The following SYT7 variants were observed in gnomAD, a reference collection of about 807,000 sequenced individuals.
SYT7 encodes synaptotagmin 7, also known as synaptotagmin-7.
A neutral mutation model predicts 75.1 loss-of-function variants in SYT7; 29 were observed. That is an observed-to-expected ratio of 0.39 (90% CI 0.29 to 0.53). SYT7 has a LOEUF of 0.53. Ranked by LOEUF, SYT7 falls within the 20% of genes least tolerant of loss-of-function variation. The pLI is 0.77. For synonymous variants in SYT7, 376 were observed against 401.7 expected, an observed-to-expected ratio of 0.94 and a Z score of 0.76; for missense variants, 693 against 953.2, an observed-to-expected ratio of 0.73 and a Z score of 3.59.
chr11:61,576,749 G>A lies in SYT7; in HGVS notation c.31+4041C>T, dbSNP rs1019839498. ...TGGGGGGACTCAGGAGGGGCAGGAG[G>A]GGGAGGGAACCATATACGGCTCCTC... On this transcript the variant is annotated intron_variant, in intron 1 of 12. Transcript: ENST00000539008. This position sits in a 1 kb window ranked among gnomAD's most constrained non-coding sequence, Gnocchi z 4.1. Among the ~76,000 whole-genome samples the A allele has an allele frequency of 6.6e-6, 1 of 152,056 alleles. No individual in the cohort carries two copies. Among genetic ancestry groups the A allele is most frequent in the African/African-American group, 2.4e-5 (1 of 41,396 alleles).
chr11:61,563,787 G>A (rs953955070), intron 1 of SYT7, among the ~76,000 whole-genome samples: 1 of 152,122 alleles, frequency 6.6e-6, no homozygotes, highest in Non-Finnish European at 1.5e-5. Context: ...TGCCTCCCTA[G>A]TAACTATGAC....
intron 6 of SYT7, 86 bp from the exon 7 acceptor site, chr11:61,538,352 A>AGAGG (rs2062936283): frequency 1.7e-6 from 1 of 597,720 alleles, no homozygotes; most frequent in Non-Finnish European, 2.6e-6. Flanking sequence ...AGAGGGAGAG[A>AGAGG]GAGAGAGAGA....
chr11:61,583,307 C>T (rs1194966298), upstream of SYT7, among the ~76,000 whole-genome samples: 1 of 152,156 alleles, frequency 6.6e-6, no homozygotes, highest in Non-Finnish European at 1.5e-5. Context: ...TGAGGAATCT[C>T]CCCACTCCAG....
chr11:61,562,480 G>A (rs1004473857), intron 1 of SYT7, among the ~76,000 whole-genome samples: 1 of 152,216 alleles, frequency 6.6e-6, no homozygotes, highest in Non-Finnish European at 1.5e-5. Flanking sequence ...CACGGAATAA[G>A]TAGGCACTAA....
chr11:61,546,656 C>T lies in SYT7; in HGVS notation c.348-401G>A, dbSNP rs1049310818. Reference sequence around the variant, plus strand: ...CGAAGGGTTAACGACGGAGGAAGAGCGGGCTGTCCAGGCCAGGAGGCCCCA... The same window carrying T: ...CGAAGGGTTAACGACGGAGGAAGAGTGGGCTGTCCAGGCCAGGAGGCCCCA... On this transcript the variant is annotated intron_variant, in intron 4 of 12. Transcript: ENST00000539008. This position sits in a 1 kb window ranked among gnomAD's most constrained non-coding sequence, Gnocchi z 7.6. 6.5e-6 allele frequency: 3 copies of T among 464,386 alleles called. No individual in the cohort carries two copies. The highest frequency in any genetic ancestry group is 1.3e-5 in the Non-Finnish European group (3 of 232,914). The allele number at this position is 464,386 out of a possible 1,614,324, so 28.8% of individuals were successfully genotyped here. A position where few individuals can be genotyped will look rare whatever the true frequency, so the allele number is the denominator to read the frequency against.
intron 1 of SYT7, among the ~76,000 whole-genome samples, chr11:61,567,745 C>T (rs570419963): frequency 3.0e-4 from 46 of 152,232 alleles, no homozygotes; most frequent in Non-Finnish European, 5.7e-4. Context: ...GGCGCACAGA[C>T]GGTCCCCAGC....
At position 61,518,696 on chromosome 11, in the gene SYT7, C is replaced by T. The variant is rs1206311226; in HGVS notation, c.1992G>A (p.Val664=). The part of the protein sequence containing the change: ...YLSWKSGPGE[V]KHWKDMIARP... Reference sequence around the variant, plus strand: ...GGGCAATCATGTCCTTCCAGTGCTTCACCTCCCCTGGCCCGCTCTTCCAGG... The same window carrying T: ...GGGCAATCATGTCCTTCCAGTGCTTTACCTCCCCTGGCCCGCTCTTCCAGG... Residue 664 remains valine, a synonymous_variant, in exon 13 of 13, where the codon GTG becomes GTA. Transcript: ENST00000539008. 1.3e-6 allele frequency: 2 copies of T among 1,550,254 alleles called. No homozygotes were observed. The highest frequency in any genetic ancestry group is 2.0e-5 in the Admixed American group (1 of 50,926).
chr11:61,530,433 A>C (rs2062671262), intron 8 of SYT7, among the ~76,000 whole-genome samples: 1 of 152,024 alleles, frequency 6.6e-6, no homozygotes. Context: ...TGCTCATGCC[A>C]GCCCCACACC....
Position 61,527,993 on chromosome 11 carries a change from C to A in SYT7, c.1393G>T (p.Asp465Tyr). ...DPFVKIYLLP[D>Y]KKHKLETKVK... ...TTGGTCTCCAGCTTGTGCTTCTTGT[C>A]GGGCAGCAGGTAGATCTTGACGAAG... Residue 465 changes from aspartate to tyrosine, a missense_variant, in exon 9 of 13, where the codon GAC becomes TAC. Physicochemically the swap from Asp to Tyr is radical, Grantham distance 160. Transcript: ENST00000539008. 3.1e-6 allele frequency: 5 copies of A among 1,614,110 alleles called. No homozygotes were observed. Among genetic ancestry groups the A allele is most frequent in the Non-Finnish European group, 4.2e-6 (5 of 1,180,034 alleles).
Position 61,514,004 on chromosome 11 carries a change from G to C in SYT7, c.*4623C>G, listed in dbSNP as rs1256809160. ...CCTTCCAGAAAGCAGCAGTATCCAG[G>C]GGGGGACTCACAGGAGAAAGAAAAC... On this transcript the variant is annotated 3_prime_UTR_variant, in exon 13 of 13. Transcript: ENST00000539008. 7.2e-5 allele frequency among the ~76,000 whole-genome samples: 11 copies of C among 152,132 alleles called. No individual in the cohort carries two copies. Among genetic ancestry groups the C allele is most frequent in the African/African-American group, 1.7e-4 (7 of 41,434 alleles).
intron 1 of SYT7, among the ~76,000 whole-genome samples, chr11:61,578,513 C>T (rs1745583708): frequency 6.6e-6 from 1 of 151,870 alleles, no homozygotes; most frequent in African/African-American, 2.4e-5. Context: ...TATCTCAGTA[C>T]CAACCAGTAC....
At chr11:61,579,488 C>T (rs1000840279) in intron 1 of SYT7, among the ~76,000 whole-genome samples, 7 of 152,224 alleles carry the variant, frequency 4.6e-5, no homozygotes, top group African/African-American at 9.6e-5. Context: ...CAGTGCCTGG[C>T]GCCCAGTGGG....
At chr11:61,527,803 G>T in intron 9 of SYT7, 112 bp downstream of exon 9, 1 of 1,297,230 alleles carries the variant, frequency 7.7e-7, no homozygotes, top group Non-Finnish European at 1.1e-6. Flanking sequence ...TTGTGGGCCT[G>T]CAGGTGTGTG....
At chr11:61,533,239 G>A (rs759888293) in intron 7 of SYT7, 115 bp from the exon 8 acceptor site, 10 of 1,460,428 alleles carry the variant, frequency 6.8e-6, no homozygotes, top group African/African-American at 1.4e-5. Flanking sequence ...CATGCCCGGC[G>A]GGCCGGCAGG....
At position 61,576,100 on chromosome 11, in the gene SYT7, C is replaced by T. The variant is rs971807671; in HGVS notation, c.31+4690G>A. Among the ~76,000 whole-genome samples, 1 of 152,260 alleles carries T rather than the reference C, an allele frequency of 6.6e-6. No individual in the cohort carries two copies. Among genetic ancestry groups the T allele is most frequent in the African/African-American group, 2.4e-5 (1 of 41,468 alleles). ...CTGGACCTGGAATTCCAGGCCAAAG[C>T]TCTGGGCACAGTCCAGCCCTTTCCA... On this transcript the variant is annotated intron_variant, in intron 1 of 12. Coordinates refer to ENST00000539008, the MANE Select transcript of SYT7 (RefSeq NM_001365809.2). The surrounding 1 kb of genome is among the most constrained non-coding windows in gnomAD (Gnocchi z 4.1).
At chr11:61,545,063 A>G (rs552549216) in intron 5 of SYT7, among the ~76,000 whole-genome samples, 2 of 152,214 alleles carry the variant, frequency 1.3e-5, no homozygotes, top group South Asian at 2.1e-4. Context: ...TGGAATTTAT[A>G]CCCCAAGGGA....
chr11:61,524,250 G>A lies in SYT7; in HGVS notation c.1641+113C>T. The A allele has an allele frequency of 1.5e-6, 2 of 1,330,062 alleles. No individual in the cohort carries two copies. Among genetic ancestry groups the A allele is most frequent in the East Asian group, 2.5e-5 (1 of 40,640 alleles). 82.4% of individuals were successfully genotyped at this position (1,330,062 alleles called of 1,614,324 possible). A position where few individuals can be genotyped will look rare whatever the true frequency, so the allele number is the denominator to read the frequency against. On this transcript the variant is annotated intron_variant, in intron 10 of 12. Transcript: ENST00000539008. This position sits in a 1 kb window ranked among gnomAD's most constrained non-coding sequence, Gnocchi z 4.1. ...TGAGCTCCATCGGGTCCACCCATCT[G>A]CACCCTCTCCCACAGCCCTCCTGGC...
At chr11:61,558,507 C>CAT (rs1486896512) in intron 1 of SYT7, among the ~76,000 whole-genome samples, 1 of 88,982 alleles carries the variant, frequency 1.1e-5, no homozygotes, top group Admixed American at 1.5e-4. Flanking sequence ...CACACACATA[C>CAT]ACACACACAC....
Position 61,542,561 on chromosome 11 carries a change from C to T in SYT7, c.591G>A (p.Leu197=). ...TAGACTCAAGGGTAGTGGCCGTGGA[C>T]AGGGTGGAGTCCTCGAAACTTGGGG... ...LNLSNFEDST[L]STATTLESIP... is the part of the protein sequence containing the mutation. Residue 197 remains leucine (L), a synonymous_variant, in exon 6 of 13, where the codon CTG becomes CTA. Coordinates refer to ENST00000539008, the MANE Select transcript of SYT7 (RefSeq NM_001365809.2). This position sits in a 1 kb window ranked among gnomAD's most constrained non-coding sequence, Gnocchi z 7.8. 6.6e-7 allele frequency: 1 copy of T among 1,513,954 alleles called. No homozygotes were observed. Among genetic ancestry groups the T allele is most frequent in the Non-Finnish European group, 8.8e-7 (1 of 1,134,070 alleles). The allele number at this position is 1,513,954 out of a possible 1,614,324, so 93.8% of individuals were successfully genotyped here.
Sources: gnomAD v4.1 joint callset for allele counts (sites outside exome capture counted in the v4.1 genomes callset) on GRCh38, gnomAD v4.1.1 for gene constraint, Gnocchi (gnomAD v3.1) non-coding constraint, MANE v1.5 for transcripts, NCBI Gene and HGNC (gene_info 2026-07-23, HGNC 2026-07-21) for gene names.